PIGN: variants seen among roughly 807,000 people sequenced by gnomAD.
PIGN encodes phosphatidylinositol glycan anchor biosynthesis class N.
A neutral mutation model predicts 125.4 loss-of-function variants in PIGN; 117 were observed. That is an observed-to-expected ratio of 0.93 (90% confidence interval 0.80 to 1.09). PIGN has a LOEUF of 1.09. PIGN is among the 50% of genes least tolerant of loss of function. The probability of loss-of-function intolerance (pLI) is 0.00; values close to 1 mark genes in which losing one functional copy is unlikely to be tolerated. For synonymous variants in PIGN, 392 were observed against 377.8 expected (o/e 1.04, Z -0.44); for missense variants, 1,075 against 1,094.9 (o/e 0.98, Z 0.26).
chr18:62,144,731 T>C lies in PIGN; in HGVS notation c.922+1178A>G, dbSNP rs79667430. Among the ~76,000 whole-genome samples the C allele has an allele frequency of 9.7e-3, 1,472 of 152,330 alleles. 45 individuals carry two copies. Among genetic ancestry groups the C allele is most frequent in the East Asian group, 0.069 (357 of 5,186 alleles). ...ATCTGGATGGAGACTACATGGTATA[T>C]ATATGCAGGTAAAATTCATAAAGCT... On this transcript the variant is annotated intron_variant, in intron 10 of 30. Transcript: ENST00000640252.
At position 62,043,147 on chromosome 18, in the gene PIGN, AG is replaced by A. The variant is rs2030445997; in HGVS notation, c.*2708del. On this transcript the variant is annotated 3_prime_UTR_variant, in exon 31 of 31. Transcript: ENST00000640252. Reference sequence around the variant, plus strand: ...GAAGGAGTTCTCAGAACTGGTCTGAAGGGGGTCTTCTCCAAATGACAGAGTT... The same window carrying A: ...GAAGGAGTTCTCAGAACTGGTCTGAAGGGGTCTTCTCCAAATGACAGAGTT... 1 of 152,144 alleles carries A rather than the reference AG, an allele frequency of 6.6e-6. No individual in the cohort carries two copies. The highest frequency in any genetic ancestry group is 1.9e-4 in the East Asian group (1 of 5,194). The allele number at this position is 152,144 out of a possible 1,614,324, so 9.4% of individuals were successfully genotyped here.
chr18:62,076,290 G>A (rs1183643097), intron 28 of PIGN, among the ~76,000 whole-genome samples: 2 of 152,110 alleles, frequency 1.3e-5, no homozygotes, highest in Non-Finnish European at 2.9e-5. Flanking sequence ...ACTTTTCATT[G>A]TCTTATTTGC....
Position 62,072,710 on chromosome 18 carries a change from C to CA in PIGN, c.2634_2635insT (p.Val879CysfsTer9). On this transcript the variant is annotated frameshift_variant, in exon 30 of 31. Coordinates refer to ENST00000640252, the MANE Select transcript of PIGN (RefSeq NM_176787.5). LOFTEE classifies it high-confidence loss of function. Reference sequence around the variant, plus strand: ...TCAAGCCAGCTGCCATAATCCTTGACCAAGAAGAAAAAATGCTGTAAAAAA... The same window carrying CA: ...TCAAGCCAGCTGCCATAATCCTTGACACAAGAAGAAAAAATGCTGTAAAAAA... 6.3e-7 allele frequency: 1 copy of CA among 1,577,140 alleles called. No individual in the cohort carries two copies. The highest frequency in any genetic ancestry group is 8.6e-7 in the Non-Finnish European group (1 of 1,165,066).
At chr18:62,171,845 C>G (rs759838248) in intron 1 of PIGN, among the ~76,000 whole-genome samples, 2 of 152,046 alleles carry the variant, frequency 1.3e-5, no homozygotes, top group Non-Finnish European at 2.9e-5. Context: ...TAAGTATTAT[C>G]CTTTCTACAT....
intron 8 of PIGN, among the ~76,000 whole-genome samples, chr18:62,147,625 A>G (rs868247478): frequency 1.5e-4 from 23 of 152,366 alleles, no homozygotes; most frequent in African/African-American, 4.6e-4. Context: ...CATCACTGGC[A>G]GCTAACCCAA....
At chr18:62,075,913 T>G (rs1159429605) in intron 28 of PIGN, 1 of 152,176 alleles carries the variant, frequency 6.6e-6, no homozygotes, top group Non-Finnish European at 1.5e-5. Context: ...TTCTGGTAAG[T>G]GTGTAATGAT....
chr18:62,108,808 G>A (rs575323269), intron 17 of PIGN, among the ~76,000 whole-genome samples: 9 of 152,156 alleles, frequency 5.9e-5, no homozygotes, highest in South Asian at 2.1e-4. Context: ...GGCTGGTCTC[G>A]AACTCCTGAC....
intron 28 of PIGN, 24 bp downstream of exon 28, chr18:62,082,649 G>A: frequency 7.5e-7 from 1 of 1,333,012 alleles, no homozygotes; most frequent in Non-Finnish European, 1.1e-6. Flanking sequence ...CAAATCAAAT[G>A]TTTCTTAAAC....
At chr18:62,114,686 GTA>G (rs747508772) in intron 14 of PIGN, 47 bp from the exon 15 acceptor site, 23 of 855,708 alleles carry the variant, frequency 2.7e-5, no homozygotes, top group African/African-American at 3.5e-5. Flanking sequence ...CTCATTCCAA[GTA>G]TATGTTTCTT....
intron 23 of PIGN, among the ~76,000 whole-genome samples, chr18:62,018,863 C>A (rs1238718178): frequency 3.3e-5 from 5 of 152,138 alleles, no homozygotes; most frequent in Non-Finnish European, 5.9e-5. Context: ...CACGCACACA[C>A]ATACACACAC....
At chr18:62,106,203 T>A (rs1011229261) in intron 19 of PIGN, among the ~76,000 whole-genome samples, 3 of 152,210 alleles carry the variant, frequency 2.0e-5, no homozygotes, top group African/African-American at 4.8e-5. Context: ...GAAGATTTTT[T>A]AATAAATTCT....
chr18:62,049,962 T>C (rs1229383727), intron 30 of PIGN, among the ~76,000 whole-genome samples: 1 of 150,550 alleles, frequency 6.6e-6, no homozygotes, highest in Non-Finnish European at 1.5e-5. Flanking sequence ...AGGGAATCCT[T>C]TCCCCATTGC....
intron 10 of PIGN, among the ~76,000 whole-genome samples, chr18:62,145,039 C>A (rs1354000843): frequency 2.0e-5 from 3 of 151,690 alleles, no homozygotes; most frequent in African/African-American, 4.8e-5. Context: ...GAGAAAGGAG[C>A]CCAGTCCTAC....
intron 22 of PIGN, among the ~76,000 whole-genome samples, chr18:62,096,993 C>A (rs527901353): frequency 6.6e-6 from 1 of 151,758 alleles, no homozygotes; most frequent in Non-Finnish European, 1.5e-5. Context: ...AATAAACATA[C>A]GTGTGCATGT....
chr18:62,154,441 T>C (rs1000207600), intron 7 of PIGN, 104 bp downstream of exon 7: 12 of 698,016 alleles, frequency 1.7e-5, no homozygotes, highest in African/African-American at 1.5e-4. Flanking sequence ...TGCTACAACA[T>C]AGAACTTTCA....
At chr18:62,038,549 A>G (rs1471956319), downstream of PIGN, among the ~76,000 whole-genome samples, 1 of 152,148 alleles carries the variant, frequency 6.6e-6, no homozygotes, top group Admixed American at 6.5e-5. Context: ...CCAGAAACAG[A>G]AGGTTAGCAA....
chr18:62,174,999 A>G (rs1354013596), intron 1 of PIGN, among the ~76,000 whole-genome samples: 2 of 148,326 alleles, frequency 1.3e-5, no homozygotes, highest in African/African-American at 4.9e-5. Flanking sequence ...GTTCACTACT[A>G]AACATGAATG....
chr18:62,152,075 A>G (rs74652776), intron 7 of PIGN, among the ~76,000 whole-genome samples: 13,230 of 152,196 alleles, frequency 0.087, 707 homozygotes, highest in South Asian at 0.19. Flanking sequence ...TAAGGAATAC[A>G]TTGGTTTGGT....
At chr18:62,068,230 T>C (rs750201218) in intron 30 of PIGN, among the ~76,000 whole-genome samples, 72 of 152,128 alleles carry the variant, frequency 4.7e-4, no homozygotes, top group Admixed American at 2.6e-3. Flanking sequence ...GTTGATATCA[T>C]CATTTGGTAG....
Sources: gnomAD v4.1 joint callset for allele counts (sites outside exome capture counted in the v4.1 genomes callset) on GRCh38, gnomAD v4.1.1 for gene constraint, MANE v1.5 for transcripts, NCBI Gene and HGNC (gene_info 2026-07-23, HGNC 2026-07-21) for gene names.